CBX1: variants seen among roughly 807,000 people sequenced by gnomAD.
CBX1 encodes chromobox protein homolog 1.
A neutral mutation model predicts 25.1 loss-of-function variants in CBX1; 10 were observed. The observed-to-expected ratio is 0.40, with a 90% CI of 0.25 to 0.68. The LOEUF is 0.68. Among genes scored for constraint, CBX1 ranks in the 30% least tolerant of loss-of-function variants. The pLI is 0.40. For missense variants in CBX1, 106 were observed against 218.5 expected, an observed-to-expected ratio of 0.49 and a Z score of 3.25; for synonymous variants, 63 against 79.4, an observed-to-expected ratio of 0.79 and a Z score of 1.10.
chr17:48,076,627 C>T (rs908202715), intron 2 of CBX1, among the ~76,000 whole-genome samples: 3 of 152,146 alleles, frequency 2.0e-5, no homozygotes, highest in South Asian at 4.1e-4. Flanking sequence ...GCTATGACTG[C>T]ACCACTGTAC....
At chr17:48,077,668 A>G (rs1277426330) in intron 1 of CBX1, among the ~76,000 whole-genome samples, 1 of 151,882 alleles carries the variant, frequency 6.6e-6, no homozygotes, top group Admixed American at 6.6e-5. Context: ...AAGGCTCCCA[A>G]TACTCCTTTT....
chr17:48,084,888 C>G (rs57993587), intron 1 of CBX1, among the ~76,000 whole-genome samples: 3,699 of 148,776 alleles, frequency 0.025, 180 homozygotes, highest in African/African-American at 0.09. Context: ...CCAGCCTGGG[C>G]GACAGAGCGA....
At position 48,075,195 on chromosome 17, in the gene CBX1, C is replaced by CTA. The variant is rs199539567; in HGVS notation, c.319-96_319-95insTA. 6.8e-3 allele frequency: 4,911 copies of CTA among 725,588 alleles called. 17 individuals are homozygous for CTA. The highest frequency in any genetic ancestry group is 0.014 in the East Asian group (457 of 33,838). 44.9% of individuals were successfully genotyped at this position (725,588 alleles called of 1,614,324 possible). On this transcript the variant is annotated intron_variant, in intron 3 of 4. Coordinates refer to ENST00000225603, the MANE Select transcript of CBX1 (RefSeq NM_001127228.2). ...TGTCTCTGATTAATGTAATCACAAA[C>CTA]TCTTTTTTTTTTTTTTTGAGACGGA...
chr17:48,089,295 G>GT (rs980961153), intron 1 of CBX1, among the ~76,000 whole-genome samples: 2 of 150,538 alleles, frequency 1.3e-5, no homozygotes, highest in African/African-American at 4.9e-5. Flanking sequence ...TAGAGAGAGG[G>GT]TTTCACTGTG....
chr17:48,101,450 C>T lies in CBX1; in HGVS notation c.-220G>A. ...CCCTCCCCTCAGCCGAACAAAAGAG[C>T]CTCGCAGTCTGCGCTGCCCGCCGCT... On this transcript the variant is annotated 5_prime_UTR_variant, in exon 1 of 5. Transcript: ENST00000225603. 10 of 985,684 alleles carry T rather than the reference C, an allele frequency of 1.0e-5. No individual in the cohort carries two copies. The highest frequency in any genetic ancestry group is 1.2e-5 in the Non-Finnish European group (10 of 830,132). The allele number at this position is 985,684 out of a possible 1,614,324, so 61.1% of individuals were successfully genotyped here. A position where few individuals can be genotyped will look rare whatever the true frequency, so the allele number is the denominator to read the frequency against.
rs565210072 is a variant in CBX1, at chr17:48,080,907, G to A, written c.-37-3866C>T. On this transcript the variant is annotated intron_variant, in intron 1 of 4. Coordinates refer to ENST00000225603, the MANE Select transcript of CBX1 (RefSeq NM_001127228.2). ...CTGCACTCCAGCCTGGTGACAGAGC[G>A]AGACTCCATCTCAAAAAAAAAAAAA... 6.3e-3 allele frequency among the ~76,000 whole-genome samples: 543 copies of A among 85,514 alleles called. 2 individuals are homozygous for A. The highest frequency in any genetic ancestry group is 8.6e-3 in the Non-Finnish European group (417 of 48,470). The allele number at this position is 85,514 out of a possible 152,430, so 56.1% of individuals were successfully genotyped here.
intron 1 of CBX1, among the ~76,000 whole-genome samples, chr17:48,083,598 G>A (rs571937854): frequency 3.3e-5 from 5 of 150,468 alleles, no homozygotes; most frequent in East Asian, 3.9e-4. Context: ...CGAGGTGAGC[G>A]GATCACTTGA....
rs1401601881 is a variant in CBX1, at chr17:48,084,162, GA to G, written c.-37-7122del. ...AATTTTTTCAATTTTTTCTGGTGGA[GA>G]CAAGGTGTTCCTATGTTGTTCAGGC... On this transcript the variant is annotated intron_variant, in intron 1 of 4. Transcript: ENST00000225603. 1.4e-4 allele frequency among the ~76,000 whole-genome samples: 20 copies of G among 143,990 alleles called. 2 individuals carry two copies. Among genetic ancestry groups the G allele is most frequent in the African/African-American group, 5.4e-4 (20 of 36,846 alleles). The allele number at this position is 143,990 out of a possible 152,430, so 94.5% of individuals were successfully genotyped here.
Position 48,076,191 on chromosome 17 carries a change from G to GGCACA in CBX1, c.141-18_141-14dup. Reference sequence around the variant, plus strand: ...TGTGTTGTCCTCACTGAAACCAGAGGGCACAGCAAGTCACACTTTCACTCA... The same window carrying GGCACA: ...TGTGTTGTCCTCACTGAAACCAGAGGGCACAGCACAGCAAGTCACACTTTCACTCA... On this transcript the variant is annotated splice_polypyrimidine_tract_variant and intron_variant, in intron 2 of 4. Transcript: ENST00000225603. The GGCACA allele has an allele frequency of 6.5e-7, 1 of 1,531,112 alleles. No homozygotes were observed. Among genetic ancestry groups the GGCACA allele is most frequent in the Non-Finnish European group, 8.9e-7 (1 of 1,127,612 alleles). 94.8% of individuals were successfully genotyped at this position (1,531,112 alleles called of 1,614,324 possible).
chr17:48,085,777 G>A (rs2063308537), intron 1 of CBX1, among the ~76,000 whole-genome samples: 1 of 152,104 alleles, frequency 6.6e-6, no homozygotes, highest in Non-Finnish European at 1.5e-5. Flanking sequence ...TCAATTTTAA[G>A]AAACCAGGCC....
At chr17:48,086,092 A>C (rs954671814) in intron 1 of CBX1, among the ~76,000 whole-genome samples, 1 of 152,108 alleles carries the variant, frequency 6.6e-6, no homozygotes, top group African/African-American at 2.4e-5. Context: ...AAACAAAACA[A>C]AAAAAACCCA....
In CBX1 at chr17:48,082,064, A is replaced by G. The variant is rs538474610; in HGVS notation, c.-37-5023T>C. Among the ~76,000 whole-genome samples the G allele has an allele frequency of 8.5e-5, 13 of 152,200 alleles. No individual in the cohort carries two copies. The South Asian group carries it at 2.7e-3, about 32-fold the overall frequency. On this transcript the variant is annotated intron_variant, in intron 1 of 4. Coordinates refer to ENST00000225603, the MANE Select transcript of CBX1 (RefSeq NM_001127228.2). ...CCAGGAGTTTGAGACCAGCCTGGGC[A>G]ACGTAGTGAGACCCCATCTCTACAA...
Position 48,101,462 on chromosome 17 carries a change from C to T in CBX1, c.-232G>A. On this transcript the variant is annotated 5_prime_UTR_variant, in exon 1 of 5. Transcript: ENST00000225603. ...CCGAACAAAAGAGCCTCGCAGTCTG[C>T]GCTGCCCGCCGCTCGCACCGCGCAG... The T allele has an allele frequency of 1.0e-6, 1 of 985,668 alleles. No individual in the cohort carries two copies. Among genetic ancestry groups the T allele is most frequent in the Non-Finnish European group, 1.2e-6 (1 of 830,130 alleles). The allele number at this position is 985,668 out of a possible 1,614,324, so 61.1% of individuals were successfully genotyped here.
At position 48,070,096 on chromosome 17, in the gene CBX1, ATG is replaced by A. The variant is rs2037610963; in HGVS notation, c.*1337_*1338del. The A allele has an allele frequency of 6.5e-6, 1 of 152,676 alleles. No individual in the cohort carries two copies. Among genetic ancestry groups the A allele is most frequent in the Non-Finnish European group, 1.5e-5 (1 of 68,052 alleles). The allele number at this position is 152,676 out of a possible 1,614,324, so 9.5% of individuals were successfully genotyped here. On this transcript the variant is annotated 3_prime_UTR_variant, in exon 5 of 5. Coordinates refer to ENST00000225603, the MANE Select transcript of CBX1 (RefSeq NM_001127228.2). ...AGTTTTATTAAGACAAAAACTGACA[ATG>A]TAGTATGAAGTTTACATTTAAACAA... is the stretch of plus-strand genomic sequence containing the variant.
chr17:48,095,685 CT>C (rs978666406), intron 1 of CBX1: 11 of 152,280 alleles, frequency 7.2e-5, no homozygotes, highest in African/African-American at 2.2e-4. Context: ...AAAGAAGTAC[CT>C]TTTGTTGAAA....
chr17:48,088,896 G>C (rs1006852831), intron 1 of CBX1: 3 of 147,798 alleles, frequency 2.0e-5, no homozygotes, highest in African/African-American at 5.0e-5. Flanking sequence ...TTATAATGAA[G>C]AATGCTGTTT....
At chr17:48,101,135 C>CA in intron 1 of CBX1, 133 bp downstream of exon 1, 1 of 986,386 alleles carries the variant, frequency 1.0e-6, no homozygotes, top group Non-Finnish European at 1.2e-6. Flanking sequence ...AGCGGAGAAG[C>CA]AGGACGCTGG....
rs1281689014 is a variant in CBX1 at position 48,070,603 on chromosome 17, C to T, written c.*832G>A. 6.6e-6 allele frequency: 1 copy of T among 152,616 alleles called. No homozygotes were observed. Among genetic ancestry groups the T allele is most frequent in the East Asian group, 1.9e-4 (1 of 5,206 alleles). 9.5% of individuals were successfully genotyped at this position (152,616 alleles called of 1,614,324 possible). ...ACTTCGTTACTGGAAAAGAAAGGGT[C>T]TTCTAATTTCGGGAATTAGCACCTC... On this transcript the variant is annotated 3_prime_UTR_variant, in exon 5 of 5. Transcript: ENST00000225603.
chr17:48,076,658 G>A (rs756374766), intron 2 of CBX1, among the ~76,000 whole-genome samples: 22 of 152,160 alleles, frequency 1.4e-4, no homozygotes, highest in Non-Finnish European at 2.2e-4. Context: ...GTGACAGAGC[G>A]AGACCTCGTC....
Sources: allele counts gnomAD v4.1 joint callset (sites outside exome capture counted in the v4.1 genomes callset), GRCh38; gene constraint gnomAD v4.1.1; transcripts MANE v1.5; gene names NCBI Gene and HGNC (gene_info 2026-07-23, HGNC 2026-07-21).